The following DGKI variants were observed in gnomAD, a reference collection of about 807,000 sequenced individuals.
The protein encoded by DGKI is diacylglycerol kinase iota, also known as DAG kinase iota.
DGKI carries 55 observed loss-of-function variants against 147.5 expected under a neutral mutation model. That is an observed-to-expected ratio of 0.37 (90% CI 0.30 to 0.47). The LOEUF (loss-of-function observed/expected upper bound fraction) is 0.47. Ranked by LOEUF, DGKI falls within the 20% of genes least tolerant of loss-of-function variation. The pLI, the probability that DGKI is intolerant of heterozygous loss-of-function variation, is 1.00. For synonymous variants in DGKI, 469 were observed against 477.1 expected (o/e 0.98, Z 0.22); for missense variants, 1,007 against 1,323.8 (o/e 0.76, Z 3.71).
At position 137,693,863 on chromosome 7, in the gene DGKI, G is replaced by T. The variant is rs75170693; in HGVS notation, c.402-3861C>A. Among the ~76,000 whole-genome samples, 21 of 152,294 alleles carry T rather than the reference G, an allele frequency of 1.4e-4. No individual in the cohort carries two copies. In the East Asian group the frequency reaches 3.5e-3, roughly 25 times the overall value. On this transcript the variant is annotated intron_variant, in intron 1 of 32. Transcript: ENST00000614521. Reference sequence around the variant, plus strand: ...TTTAAAAATAAATGCAAATAAGGTAGAATCCAGTGTTAAGAAGCCTAAGAA... The same window carrying T: ...TTTAAAAATAAATGCAAATAAGGTATAATCCAGTGTTAAGAAGCCTAAGAA...
chr7:137,626,030 C>T (rs1192514274), intron 6 of DGKI, among the ~76,000 whole-genome samples: 1 of 152,186 alleles, frequency 6.6e-6, no homozygotes, highest in African/African-American at 2.4e-5. Context: ...GAATTAGGCA[C>T]ATCCTGTGTG....
chr7:137,457,781 A>G (rs1188736629), intron 27 of DGKI, among the ~76,000 whole-genome samples: 1 of 152,202 alleles, frequency 6.6e-6, no homozygotes, highest in Non-Finnish European at 1.5e-5. Context: ...ACAATGAGGA[A>G]GGACAAATAC....
chr7:137,585,295 T>C lies in DGKI; in HGVS notation c.1477A>G (p.Thr493Ala), dbSNP rs746069983. The C allele has an allele frequency of 6.2e-7, 1 of 1,614,128 alleles. No homozygotes were observed. The highest frequency in any genetic ancestry group is 8.5e-7 in the Non-Finnish European group (1 of 1,179,998). ...TTCCAGCGATCTAGCTGTACAACTGTCCCATCTTCCACTTGACACAGGATC... is the reference window on the plus strand; with the variant it reads ...TTCCAGCGATCTAGCTGTACAACTGCCCCATCTTCCACTTGACACAGGATC... Reference protein sequence around the residue: ...SKILCQVEDGTVVQLDRWNLH... With the variant: ...SKILCQVEDGAVVQLDRWNLH... Residue 493 changes from threonine (T) to alanine (A), a missense_variant, in exon 14 of 33, where the codon ACA becomes GCA. Coordinates refer to ENST00000614521, the MANE Select transcript of DGKI (RefSeq NM_001321708.2).
At chr7:137,754,043 G>A (rs937643578) in intron 1 of DGKI, among the ~76,000 whole-genome samples, 1 of 152,128 alleles carries the variant, frequency 6.6e-6, no homozygotes, top group Non-Finnish European at 1.5e-5. Context: ...TCAGTGAGGA[G>A]GAGCAAAAAC....
At chr7:137,564,838 G>A (rs1346657702) in intron 19 of DGKI, among the ~76,000 whole-genome samples, 1 of 152,134 alleles carries the variant, frequency 6.6e-6, no homozygotes, top group African/African-American at 2.4e-5. Flanking sequence ...GCGGTCCCTC[G>A]TGCCACCTGG....
intron 1 of DGKI, among the ~76,000 whole-genome samples, chr7:137,699,179 C>T (rs190827668): frequency 5.9e-5 from 9 of 152,268 alleles, no homozygotes; most frequent in Admixed American, 4.6e-4. Flanking sequence ...AATGTGCTTG[C>T]TTAGGTCTCT....
chr7:137,437,121 T>C (rs1813315903), intron 28 of DGKI, among the ~76,000 whole-genome samples: 1 of 152,168 alleles, frequency 6.6e-6, no homozygotes, highest in Non-Finnish European at 1.5e-5. Context: ...CTATCTCTGT[T>C]ACTAGTCAAT....
At chr7:137,789,553 C>T (rs1259907033) in intron 1 of DGKI, among the ~76,000 whole-genome samples, 2 of 151,744 alleles carry the variant, frequency 1.3e-5, no homozygotes, top group Non-Finnish European at 2.9e-5. Context: ...TGTTTCAAAA[C>T]AGAATATTTA....
chr7:137,529,037 G>A (rs1404528231), intron 20 of DGKI, among the ~76,000 whole-genome samples: 2 of 152,122 alleles, frequency 1.3e-5, no homozygotes, highest in Non-Finnish European at 1.5e-5. Flanking sequence ...CTAACATATT[G>A]CAAACAGACT....
chr7:137,837,456 T>C (rs574657549), intron 1 of DGKI, among the ~76,000 whole-genome samples: 4 of 152,264 alleles, frequency 2.6e-5, no homozygotes, highest in African/African-American at 7.2e-5. Context: ...CCTGGAATAT[T>C]GTGAGAAAAA....
chr7:137,442,623 G>T (rs544484474), intron 28 of DGKI, among the ~76,000 whole-genome samples: 20 of 152,284 alleles, frequency 1.3e-4, no homozygotes, highest in Non-Finnish European at 2.4e-4. Flanking sequence ...CCATTAGGTG[G>T]TCAATTGCCT....
At chr7:137,817,692 A>C (rs143489136) in intron 1 of DGKI, among the ~76,000 whole-genome samples, 117 of 152,316 alleles carry the variant, frequency 7.7e-4, no homozygotes, top group African/African-American at 2.7e-3. Flanking sequence ...CATCACTCCT[A>C]CTGGAAAATC....
intron 15 of DGKI, among the ~76,000 whole-genome samples, chr7:137,578,939 A>G (rs1464407240): frequency 6.6e-6 from 1 of 152,218 alleles, no homozygotes; most frequent in East Asian, 1.9e-4. Flanking sequence ...AAGAAATACA[A>G]TATATGTAGT....
chr7:137,700,789 A>T (rs142264572), intron 1 of DGKI, among the ~76,000 whole-genome samples: 4 of 152,076 alleles, frequency 2.6e-5, no homozygotes, highest in Non-Finnish European at 5.9e-5. Flanking sequence ...GAGGCAGGAG[A>T]ATTGCTTGAA....
At chr7:137,656,838 C>T (rs775751446) in intron 3 of DGKI, among the ~76,000 whole-genome samples, 26 of 152,106 alleles carry the variant, frequency 1.7e-4, no homozygotes, top group South Asian at 6.2e-4. Context: ...CAAGAACTGG[C>T]TCTTTGTTCT....
chr7:137,842,312 T>C (rs1798567851), intron 1 of DGKI, among the ~76,000 whole-genome samples: 1 of 152,212 alleles, frequency 6.6e-6, no homozygotes, highest in South Asian at 2.1e-4. Context: ...AACCTTACTT[T>C]GTGGGACAAA....
intron 21 of DGKI, among the ~76,000 whole-genome samples, chr7:137,511,368 T>C (rs1469714087): frequency 6.6e-6 from 1 of 152,242 alleles, no homozygotes; most frequent in Non-Finnish European, 1.5e-5. Context: ...AAATGGAGAA[T>C]ATTTGGCTTG....
chr7:137,697,055 C>G (rs576762039), intron 1 of DGKI, among the ~76,000 whole-genome samples: 1 of 152,176 alleles, frequency 6.6e-6, no homozygotes, highest in Non-Finnish European at 1.5e-5. Flanking sequence ...TCACAGCCCT[C>G]AGAGAGAACC....
At chr7:137,415,217 A>C (rs1812314118) in intron 28 of DGKI, among the ~76,000 whole-genome samples, 1 of 152,218 alleles carries the variant, frequency 6.6e-6, no homozygotes, top group Non-Finnish European at 1.5e-5. Flanking sequence ...CCGTATCTGC[A>C]GGTTCCAAAT....
Sources: allele counts gnomAD v4.1 joint callset (sites outside exome capture counted in the v4.1 genomes callset), GRCh38; gene constraint gnomAD v4.1.1; transcripts MANE v1.5; gene names NCBI Gene and HGNC (gene_info 2026-07-23, HGNC 2026-07-21).